The following ZRANB3 variants were observed in gnomAD, a reference collection of about 807,000 sequenced individuals.
ZRANB3 encodes the protein DNA annealing helicase and endonuclease ZRANB3.
A neutral mutation model predicts 133.8 loss-of-function variants in ZRANB3; 125 were observed. The observed-to-expected ratio is 0.93, with a 90% confidence interval of 0.81 to 1.08. The LOEUF (loss-of-function observed/expected upper bound fraction) is 1.08, where lower values mean the gene tolerates loss of function less well. Among genes scored for constraint, ZRANB3 ranks in the 50% least tolerant of loss-of-function variants. ZRANB3 has a pLI of 0.00. For missense variants in ZRANB3, 1,229 were observed against 1,275.5 expected, an observed-to-expected ratio of 0.96 and a Z score of 0.56; for synonymous variants, 387 against 432.7, an observed-to-expected ratio of 0.89 and a Z score of 1.31.
intron 3 of ZRANB3, among the ~76,000 whole-genome samples, chr2:135,383,424 T>G (rs1037761120): frequency 6.6e-5 from 10 of 152,152 alleles, no homozygotes; most frequent in Non-Finnish European, 1.5e-4. Flanking sequence ...ACTGTCAACA[T>G]TAGACAGATC....
At chr2:135,467,717 TCTAG>T (rs1438599689) in intron 2 of ZRANB3, among the ~76,000 whole-genome samples, 1 of 152,250 alleles carries the variant, frequency 6.6e-6, no homozygotes, top group African/African-American at 2.4e-5. Context: ...ACTTTGCCTC[TCTAG>T]CTTCCAGCCA....
chr2:135,300,862 T>G (rs1682391711), intron 8 of ZRANB3, among the ~76,000 whole-genome samples: 1 of 152,212 alleles, frequency 6.6e-6, no homozygotes, highest in South Asian at 2.1e-4. Flanking sequence ...GTTATTCCTC[T>G]AAAGCCCAAA....
chr2:135,476,290 A>G (rs972096078), intron 2 of ZRANB3, among the ~76,000 whole-genome samples: 4 of 152,234 alleles, frequency 2.6e-5, no homozygotes, highest in Non-Finnish European at 4.4e-5. Context: ...GCTGTGATAA[A>G]TAACATTGTA....
At chr2:135,352,561 T>C (rs1371044798) in intron 4 of ZRANB3, among the ~76,000 whole-genome samples, 3 of 152,154 alleles carry the variant, frequency 2.0e-5, no homozygotes, top group Non-Finnish European at 4.4e-5. Flanking sequence ...TAAAGATACA[T>C]GCTACTGAAT....
intron 15 of ZRANB3, among the ~76,000 whole-genome samples, chr2:135,220,596 G>A (rs1002730257): frequency 4.0e-5 from 6 of 150,310 alleles, no homozygotes; most frequent in Non-Finnish European, 8.9e-5. Context: ...TACTCCGGAG[G>A]CTGAGGCAGG....
intron 2 of ZRANB3, among the ~76,000 whole-genome samples, chr2:135,474,208 CAA>C (rs1219438131): frequency 6.6e-6 from 1 of 151,812 alleles, no homozygotes; most frequent in Non-Finnish European, 1.5e-5. Context: ...AACAAACTGA[CAA>C]AAAACCAAAA....
chr2:135,374,234 C>T (rs979739817), intron 3 of ZRANB3, among the ~76,000 whole-genome samples: 1 of 152,020 alleles, frequency 6.6e-6, no homozygotes. Flanking sequence ...TGCGAAATCC[C>T]GTCTTTACTA....
At chr2:135,346,710 C>A (rs1490195988) in intron 5 of ZRANB3, among the ~76,000 whole-genome samples, 1 of 152,152 alleles carries the variant, frequency 6.6e-6, no homozygotes, top group Non-Finnish European at 1.5e-5. Context: ...GAAATCTTTT[C>A]ATTTTTACAG....
chr2:135,311,781 A>C (rs1283125543), intron 8 of ZRANB3, among the ~76,000 whole-genome samples: 7 of 152,146 alleles, frequency 4.6e-5, no homozygotes, highest in African/African-American at 1.7e-4. Context: ...TTTTGTTCCC[A>C]TACATTGGAG....
rs565837387 is a variant in ZRANB3 at position 135,415,334 on chromosome 2, C to T, written c.162-24514G>A. 5.6e-3 allele frequency among the ~76,000 whole-genome samples: 856 copies of T among 151,946 alleles called. 7 individuals carry two copies. The highest frequency in any genetic ancestry group is 0.019 in the African/African-American group (799 of 41,472). On this transcript the variant is annotated intron_variant, in intron 2 of 20. Transcript: ENST00000264159. Reference sequence around the variant, plus strand: ...TCAGAGAATACTACAAACACCTCTACGCAAATAAACTAGAAAATCTAGAAG... The same window carrying T: ...TCAGAGAATACTACAAACACCTCTATGCAAATAAACTAGAAAATCTAGAAG...
At position 135,280,943 on chromosome 2, in the gene ZRANB3, A is replaced by T. The variant is rs545045299; in HGVS notation, c.967-5188T>A. On this transcript the variant is annotated intron_variant, in intron 8 of 20. Transcript: ENST00000264159. The stretch of plus-strand genomic sequence containing the variant: ...AACCCCACTAAGTCATTTCAGTGAA[A>T]ATCCCCCCACTCTTGATATTGGATC... 2.2e-4 allele frequency among the ~76,000 whole-genome samples: 33 copies of T among 152,200 alleles called. No homozygotes were observed. The South Asian group carries it at 5.8e-3, about 27-fold the overall frequency.
intron 3 of ZRANB3, among the ~76,000 whole-genome samples, chr2:135,366,162 A>C (rs534066721): frequency 5.1e-4 from 78 of 152,340 alleles, no homozygotes; most frequent in African/African-American, 1.9e-3. Context: ...ATTAGAAAGA[A>C]TTCCAAATCT....
chr2:135,484,140 G>A (rs1363784443), intron 2 of ZRANB3, among the ~76,000 whole-genome samples: 1 of 152,174 alleles, frequency 6.6e-6, no homozygotes, highest in Non-Finnish European at 1.5e-5. Context: ...GCTTCGTGCA[G>A]AGCTGTGTTC....
intron 2 of ZRANB3, among the ~76,000 whole-genome samples, chr2:135,400,404 G>C (rs886711142): frequency 1.3e-5 from 2 of 151,792 alleles, no homozygotes; most frequent in Non-Finnish European, 2.9e-5. Flanking sequence ...GGAGTACAAT[G>C]GCATGATCTC....
intron 3 of ZRANB3, among the ~76,000 whole-genome samples, chr2:135,361,272 T>C (rs552625882): frequency 6.6e-6 from 1 of 152,202 alleles, no homozygotes; most frequent in Non-Finnish European, 1.5e-5. Context: ...GCTAAATCAA[T>C]GATTAAGAAT....
intron 2 of ZRANB3, among the ~76,000 whole-genome samples, chr2:135,502,007 C>T (rs1692970826): frequency 6.6e-6 from 1 of 152,060 alleles, no homozygotes; most frequent in African/African-American, 2.4e-5. Flanking sequence ...ATACCACCTT[C>T]AAAGTGCTAA....
At chr2:135,429,407 G>T (rs1255233218) in intron 2 of ZRANB3, among the ~76,000 whole-genome samples, 1 of 152,116 alleles carries the variant, frequency 6.6e-6, no homozygotes, top group Non-Finnish European at 1.5e-5. Context: ...GGAGGAGGGA[G>T]AGGATCAGGT....
intron 2 of ZRANB3, among the ~76,000 whole-genome samples, chr2:135,480,518 T>A (rs905882249): frequency 6.6e-6 from 1 of 152,294 alleles, no homozygotes; most frequent in East Asian, 1.9e-4. Context: ...TAGGTTGTCA[T>A]CAAGTGATAC....
chr2:135,458,473 A>T (rs969880160), intron 2 of ZRANB3, among the ~76,000 whole-genome samples: 5 of 152,144 alleles, frequency 3.3e-5, no homozygotes, highest in African/African-American at 1.2e-4. Flanking sequence ...GACATGCTGC[A>T]TATATGTCTA....
Sources: gnomAD v4.1 joint callset for allele counts (sites outside exome capture counted in the v4.1 genomes callset) on GRCh38, gnomAD v4.1.1 for gene constraint, MANE v1.5 for transcripts, NCBI Gene and HGNC (gene_info 2026-07-23, HGNC 2026-07-21) for gene names.